Variants in NDUFAF2 observed in about 807,000 individuals in gnomAD.
NDUFAF2 encodes the protein NADH:ubiquinone oxidoreductase complex assembly factor 2.
NDUFAF2 carries 13 observed loss-of-function variants against 22.8 expected under a neutral mutation model. The ratio of observed to expected loss-of-function variants is 0.57; its 90% CI spans 0.37 to 0.91. NDUFAF2 has a LOEUF of 0.91. NDUFAF2 is among the 40% of genes least tolerant of loss of function. The pLI is 0.01. For missense variants in NDUFAF2, 162 were observed against 195.2 expected (o/e 0.83, Z 1.01); for synonymous variants, 53 against 64.2 (o/e 0.83, Z 0.84).
Position 61,123,136 on chromosome 5 carries a change from C to T in NDUFAF2, c.258+24104C>T, listed in dbSNP as rs539235141. On this transcript the variant is annotated intron_variant, in intron 3 of 3. Transcript: ENST00000296597. ...AGAACACACCTTTTATTTTGGCTTT[C>T]CCTCCTTCCCTGTTTCATATTCTCC... 2.0e-5 allele frequency among the ~76,000 whole-genome samples: 3 copies of T among 152,228 alleles called. No homozygotes were observed. In the East Asian group the frequency reaches 5.8e-4, roughly 29 times the overall value.
At chr5:60,956,501 C>T (rs1223582396) in intron 1 of NDUFAF2, among the ~76,000 whole-genome samples, 1 of 152,082 alleles carries the variant, frequency 6.6e-6, no homozygotes, top group African/African-American at 2.4e-5. Flanking sequence ...ATATGGCCTT[C>T]ATTATGTTGA....
At chr5:61,060,185 A>G (rs892863126) in intron 1 of NDUFAF2, among the ~76,000 whole-genome samples, 2 of 152,156 alleles carry the variant, frequency 1.3e-5, no homozygotes, top group African/African-American at 4.8e-5. Context: ...TGCTTGGTGA[A>G]CAGCAAGCTC....
At chr5:61,060,633 C>G (rs1752152223) in intron 1 of NDUFAF2, among the ~76,000 whole-genome samples, 1 of 152,086 alleles carries the variant, frequency 6.6e-6, no homozygotes. Flanking sequence ...TGCTTATATA[C>G]AAGGGAACAA....
chr5:61,019,743 A>C (rs1321167658), intron 1 of NDUFAF2, among the ~76,000 whole-genome samples: 1 of 152,102 alleles, frequency 6.6e-6, no homozygotes, highest in East Asian at 1.9e-4. Flanking sequence ...AATGATTTTT[A>C]CATATATTCT....
At chr5:60,946,143 TGTAGCCGCCGTC>T (rs4647026) in intron 1 of NDUFAF2, among the ~76,000 whole-genome samples, 7 of 152,258 alleles carry the variant, frequency 4.6e-5, no homozygotes, top group Admixed American at 4.6e-4. Context: ...AATCACACTG[TGTAGCCGCCGTC>T]GTAACCTCTT....
intron 1 of NDUFAF2, among the ~76,000 whole-genome samples, chr5:61,038,072 G>A (rs1319239452): frequency 8.2e-6 from 1 of 121,262 alleles, no homozygotes; most frequent in Non-Finnish European, 1.7e-5. Context: ...GGGGGTGGGA[G>A]GGAGGGAGGC....
rs115816968 is a variant in NDUFAF2, at chr5:61,095,746, T to C, written c.218-3246T>C. Among the ~76,000 whole-genome samples, 901 of 152,240 alleles carry C rather than the reference T, an allele frequency of 5.9e-3. 9 individuals carry two copies. The highest frequency in any genetic ancestry group is 0.024 in the Middle Eastern group (7 of 294). On this transcript the variant is annotated intron_variant, in intron 2 of 3. Coordinates refer to ENST00000296597, the MANE Select transcript of NDUFAF2 (RefSeq NM_174889.5). The stretch of plus-strand genomic sequence containing the variant: ...GCAAAGATCCATGGGAGAAGCATGG[T>C]TTCCCAGGGTCACACATTTGAATAC...
At chr5:61,018,574 A>C (rs1321140025) in intron 1 of NDUFAF2, among the ~76,000 whole-genome samples, 1 of 152,160 alleles carries the variant, frequency 6.6e-6, no homozygotes, top group Non-Finnish European at 1.5e-5. Flanking sequence ...AATTTAACAT[A>C]AGTATTTTAA....
intron 1 of NDUFAF2, among the ~76,000 whole-genome samples, chr5:60,967,160 G>A (rs1013466979): frequency 6.6e-6 from 1 of 151,894 alleles, no homozygotes; most frequent in Non-Finnish European, 1.5e-5. Context: ...GTTTATCAGT[G>A]TATAGAAACA....
chr5:61,024,695 C>A (rs1751628226), intron 1 of NDUFAF2, among the ~76,000 whole-genome samples: 2 of 152,016 alleles, frequency 1.3e-5, no homozygotes, highest in Non-Finnish European at 2.9e-5. Flanking sequence ...TATACTGTAG[C>A]TTTTATATCC....
chr5:60,946,237 T>C (rs1297691357), intron 1 of NDUFAF2, among the ~76,000 whole-genome samples: 3 of 152,138 alleles, frequency 2.0e-5, no homozygotes, highest in Non-Finnish European at 4.4e-5. Context: ...GAATCTCAGC[T>C]TTGACACCTG....
intron 1 of NDUFAF2, among the ~76,000 whole-genome samples, chr5:61,008,101 A>G (rs968531495): frequency 1.4e-5 from 2 of 139,332 alleles, no homozygotes; most frequent in Non-Finnish European, 3.0e-5. Flanking sequence ...GAATTGAACA[A>G]TGAGAACACA....
intron 2 of NDUFAF2, among the ~76,000 whole-genome samples, chr5:61,076,182 C>T (rs1285689886): frequency 1.3e-5 from 2 of 152,096 alleles, no homozygotes; most frequent in East Asian, 1.9e-4. Flanking sequence ...GCCATTCTCC[C>T]GCCTCAGCCT....
At chr5:61,043,679 ATGTGTGTGTG>A (rs373302097) in intron 1 of NDUFAF2, among the ~76,000 whole-genome samples, 1 of 149,310 alleles carries the variant, frequency 6.7e-6, no homozygotes, top group South Asian at 2.1e-4. Flanking sequence ...AGCTGTATAT[ATGTGTGTGTG>A]TGTGTGTGTG....
chr5:61,083,957 G>GT (rs1752475578), intron 2 of NDUFAF2, among the ~76,000 whole-genome samples: 1 of 151,620 alleles, frequency 6.6e-6, no homozygotes, highest in African/African-American at 2.4e-5. Flanking sequence ...GTAAGCCTTT[G>GT]TTTTTTCTTG....
chr5:60,997,086 AC>A (rs1246106858), intron 1 of NDUFAF2, among the ~76,000 whole-genome samples: 6 of 152,148 alleles, frequency 3.9e-5, no homozygotes, highest in Admixed American at 3.3e-4. Context: ...TCTTCTAAAA[AC>A]AATCTTCTAT....
chr5:60,978,925 G>C (rs1218223944), intron 1 of NDUFAF2, among the ~76,000 whole-genome samples: 1 of 152,140 alleles, frequency 6.6e-6, no homozygotes, highest in Non-Finnish European at 1.5e-5. Flanking sequence ...GAAGAAAGGA[G>C]AAGGGAGCGT....
chr5:61,002,608 T>C (rs1751311192), intron 1 of NDUFAF2, among the ~76,000 whole-genome samples: 1 of 152,192 alleles, frequency 6.6e-6, no homozygotes, highest in Non-Finnish European at 1.5e-5. Flanking sequence ...GAAATGTCTG[T>C]TCTCTCACCA....
rs1198135416 is a variant in NDUFAF2 at position 60,995,359 on chromosome 5, T to G, written c.127+49977T>G. On this transcript the variant is annotated intron_variant, in intron 1 of 3. Coordinates refer to ENST00000296597, the MANE Select transcript of NDUFAF2 (RefSeq NM_174889.5). ...TTTCTAGATATTTGAAAGGACTTGGTGTTGTGTTCTAAGCTGTATCTGCTT... is the reference window on the plus strand; with the variant it reads ...TTTCTAGATATTTGAAAGGACTTGGGGTTGTGTTCTAAGCTGTATCTGCTT... 2.0e-5 allele frequency among the ~76,000 whole-genome samples: 3 copies of G among 152,204 alleles called. No individual in the cohort carries two copies. In the East Asian group the frequency reaches 5.8e-4, roughly 29 times the overall value.
Sources: allele counts gnomAD v4.1 joint callset (sites outside exome capture counted in the v4.1 genomes callset), GRCh38; gene constraint gnomAD v4.1.1; transcripts MANE v1.5; gene names NCBI Gene and HGNC (gene_info 2026-07-23, HGNC 2026-07-21).